Variants in GULP1 observed in about 807,000 individuals in gnomAD.
The protein encoded by GULP1 is PTB domain-containing engulfment adapter protein 1.
In GULP1, 19 loss-of-function variants were observed where a neutral mutation model predicts 40.9. The observed-to-expected ratio is 0.46, with a 90% CI of 0.32 to 0.68. The LOEUF is 0.68. Among genes scored for constraint, GULP1 ranks in the 30% least tolerant of loss-of-function variants. The pLI is 0.03. For missense variants in GULP1, 312 were observed against 362.2 expected (o/e 0.86, Z 1.12); for synonymous variants, 119 against 117.6 (o/e 1.01, Z -0.08).
At chr2:188,295,757 C>G (rs1291157775) in intron 1 of GULP1, among the ~76,000 whole-genome samples, 2 of 151,954 alleles carry the variant, frequency 1.3e-5, no homozygotes, top group African/African-American at 4.8e-5. Flanking sequence ...CTGTAAAAAG[C>G]ACGTGTATAT....
In GULP1 at chr2:188,514,078, TGTGTGC is replaced by T. The variant is rs1428237911; in HGVS notation, c.91-8676_91-8671del. Among the ~76,000 whole-genome samples, 3 of 149,694 alleles carry T rather than the reference TGTGTGC, an allele frequency of 2.0e-5. No individual in the cohort carries two copies. The East Asian group carries it at 5.9e-4, about 30-fold the overall frequency. On this transcript the variant is annotated intron_variant, in intron 4 of 11. Coordinates refer to ENST00000409830, the MANE Select transcript of GULP1 (RefSeq NM_016315.4). ...GTGTGTGTGTGTGTGTGTGTGTGTG[TGTGTGC>T]GCCCTGCCACTGGGTGGCGTCCTGT...
At chr2:188,537,125 C>G (rs1469181963) in intron 6 of GULP1, among the ~76,000 whole-genome samples, 1 of 151,826 alleles carries the variant, frequency 6.6e-6, no homozygotes, top group Non-Finnish European at 1.5e-5. Flanking sequence ...ATCATATTGT[C>G]AGTTAAGAGG....
chr2:188,509,882 C>T (rs2064326561), intron 4 of GULP1, among the ~76,000 whole-genome samples: 1 of 152,044 alleles, frequency 6.6e-6, no homozygotes, highest in Non-Finnish European at 1.5e-5. Flanking sequence ...TAGCCTGTGG[C>T]AGCAGGTCAG....
intron 2 of GULP1, among the ~76,000 whole-genome samples, chr2:188,395,668 G>C (rs2051147394): frequency 6.6e-6 from 1 of 152,116 alleles, no homozygotes; most frequent in South Asian, 2.1e-4. Flanking sequence ...CCTTGATATA[G>C]TGCACTTCTC....
chr2:188,563,506 T>C (rs1292872893), intron 7 of GULP1, among the ~76,000 whole-genome samples: 1 of 149,698 alleles, frequency 6.7e-6, no homozygotes, highest in East Asian at 1.9e-4. Context: ...ATAAATTAAT[T>C]TATAAATGTA....
intron 1 of GULP1, among the ~76,000 whole-genome samples, chr2:188,345,777 T>G (rs1480468429): frequency 6.6e-6 from 1 of 152,094 alleles, no homozygotes; most frequent in Non-Finnish European, 1.5e-5. Flanking sequence ...TAAAGAGGGG[T>G]AGAAGTTTAG....
At chr2:188,498,696 A>T (rs1224103171) in intron 4 of GULP1, among the ~76,000 whole-genome samples, 1 of 151,824 alleles carries the variant, frequency 6.6e-6, no homozygotes, top group African/African-American at 2.4e-5. Flanking sequence ...AAAATAATAT[A>T]TTATGTAGTT....
chr2:188,585,988 A>G (rs985234813), intron 10 of GULP1, among the ~76,000 whole-genome samples: 1 of 152,216 alleles, frequency 6.6e-6, no homozygotes, highest in Non-Finnish European at 1.5e-5. Context: ...TTGTGAATGC[A>G]TATGACTGTA....
intron 2 of GULP1, among the ~76,000 whole-genome samples, chr2:188,438,165 C>G (rs2057587735): frequency 6.6e-6 from 1 of 151,824 alleles, no homozygotes; most frequent in African/African-American, 2.4e-5. Context: ...TTTGAGAAAC[C>G]AAGACTAAGG....
intron 1 of GULP1, among the ~76,000 whole-genome samples, chr2:188,352,842 C>T (rs2044694971): frequency 6.6e-6 from 1 of 152,006 alleles, no homozygotes; most frequent in African/African-American, 2.4e-5. Flanking sequence ...ATACATTGAA[C>T]TTCCAAGAAA....
chr2:188,316,917 A>T (rs937777831), intron 1 of GULP1, among the ~76,000 whole-genome samples: 2 of 152,134 alleles, frequency 1.3e-5, no homozygotes, highest in East Asian at 3.9e-4. Context: ...TAAATTCAAG[A>T]TCTCATTTCC....
In GULP1 at chr2:188,569,144, T is replaced by C; in HGVS notation, c.400-95T>C. 5.5e-6 allele frequency: 4 copies of C among 720,726 alleles called. No homozygotes were observed. In the Admixed American group the frequency reaches 7.9e-5, roughly 14 times the overall value. The allele number at this position is 720,726 out of a possible 1,614,324, so 44.6% of individuals were successfully genotyped here. On this transcript the variant is annotated intron_variant, in intron 7 of 11. Coordinates refer to ENST00000409830, the MANE Select transcript of GULP1 (RefSeq NM_016315.4). ...CCTTTTGAAGTACCTCTTGTGAATG[T>C]CTTGGAGTAAGTGCTTATATGAATG...
chr2:188,589,453 AC>A, intron 11 of GULP1: 1 of 235,260 alleles, frequency 4.3e-6, no homozygotes, highest in Non-Finnish European at 8.2e-6. Context: ...TTTTGTAGTA[AC>A]AAAGAAATAT....
intron 7 of GULP1, among the ~76,000 whole-genome samples, chr2:188,551,686 C>T (rs1693481087): frequency 6.6e-6 from 1 of 151,814 alleles, no homozygotes; most frequent in South Asian, 2.1e-4. Context: ...TGGATGGATA[C>T]CCAGTAGTGG....
At chr2:188,438,231 A>G (rs566943901) in intron 2 of GULP1, among the ~76,000 whole-genome samples, 1 of 152,198 alleles carries the variant, frequency 6.6e-6, no homozygotes, top group East Asian at 1.9e-4. Flanking sequence ...GTGCAAATGC[A>G]TTTCAGCCCC....
At chr2:188,369,080 C>A (rs1184480119) in intron 1 of GULP1, among the ~76,000 whole-genome samples, 1 of 149,982 alleles carries the variant, frequency 6.7e-6, no homozygotes, top group South Asian at 2.1e-4. Flanking sequence ...CCTTTCTCAG[C>A]CTCCTGAGTA....
intron 2 of GULP1, among the ~76,000 whole-genome samples, chr2:188,401,079 G>A (rs191170436): frequency 6.6e-6 from 1 of 151,958 alleles, no homozygotes; most frequent in African/African-American, 2.4e-5. Context: ...CTAGTGGCCT[G>A]TATGAGACTA....
intron 2 of GULP1, among the ~76,000 whole-genome samples, chr2:188,476,869 A>T (rs1347922169): frequency 6.6e-6 from 1 of 152,088 alleles, no homozygotes; most frequent in Non-Finnish European, 1.5e-5. Flanking sequence ...TGAGTCTCTG[A>T]GGGAATTACT....
At chr2:188,340,097 A>T (rs1413249676) in intron 1 of GULP1, among the ~76,000 whole-genome samples, 1 of 152,190 alleles carries the variant, frequency 6.6e-6, no homozygotes, top group African/African-American at 2.4e-5. Context: ...GGGATGGACT[A>T]CCTTTAGGAG....
Sources: gnomAD v4.1 joint callset for allele counts (sites outside exome capture counted in the v4.1 genomes callset) on GRCh38, gnomAD v4.1.1 for gene constraint, MANE v1.5 for transcripts, NCBI Gene and HGNC (gene_info 2026-07-23, HGNC 2026-07-21) for gene names.